Variants in RGSL1 observed in about 807,000 individuals in gnomAD.
RGSL1 encodes the protein regulator of G protein signaling protein-like.
A neutral mutation model predicts 124.7 loss-of-function variants in RGSL1; 97 were observed. The ratio of observed to expected loss-of-function variants is 0.78; its 90% CI spans 0.66 to 0.92. The LOEUF is 0.92. Ranked by LOEUF, RGSL1 falls within the 40% of genes least tolerant of loss-of-function variation. The pLI is 0.00. For synonymous variants in RGSL1, 424 were observed against 438.1 expected, an observed-to-expected ratio of 0.97 and a Z score of 0.40; for missense variants, 1,233 against 1,288.4, an observed-to-expected ratio of 0.96 and a Z score of 0.66.
In RGSL1 at chr1:182,540,322, A is replaced by G. The variant is rs1394975539; in HGVS notation, c.2570A>G (p.Asn857Ser). The G allele has an allele frequency of 1.3e-6, 2 of 1,551,446 alleles. No individual in the cohort carries two copies. Among genetic ancestry groups the G allele is most frequent in the African/African-American group, 2.7e-5 (2 of 73,042 alleles). Residue 857 changes from asparagine (N) to serine (S), a missense_variant, in exon 15 of 22, where the codon AAT (asparagine) becomes AGT (serine). Transcript: ENST00000294854. ...STNVRSADQE[N>S]GEITLVKRRI... The stretch of plus-strand genomic sequence containing the variant: ...AATGTCCGGAGTGCAGACCAAGAGA[A>G]TGGAGAAATAACCCTTGTAAAGCGT...
At chr1:182,553,911 A>G (rs985131101) in intron 19 of RGSL1, among the ~76,000 whole-genome samples, 2 of 152,052 alleles carry the variant, frequency 1.3e-5, no homozygotes, top group Non-Finnish European at 2.9e-5. Context: ...TCCCCCTCAC[A>G]CTGAGACCAA....
intron 7 of RGSL1, 147 bp from the exon 8 acceptor site, chr1:182,488,833 T>C (rs1279634468): frequency 3.3e-6 from 2 of 611,208 alleles, no homozygotes; most frequent in South Asian, 2.4e-5. Context: ...GGTTGGCATG[T>C]AAAGGAGCAA....
intron 9 of RGSL1, among the ~76,000 whole-genome samples, chr1:182,505,063 T>C (rs1312063121): frequency 2.0e-5 from 3 of 152,190 alleles, no homozygotes; most frequent in African/African-American, 7.2e-5. Flanking sequence ...CAACTTCATC[T>C]TTTCCCAGCT....
rs569305453 is a variant in RGSL1, at chr1:182,541,073, T to C, written c.2669+652T>C. Among the ~76,000 whole-genome samples, 3 of 152,328 alleles carry C rather than the reference T, an allele frequency of 2.0e-5. No individual in the cohort carries two copies. The South Asian group carries it at 6.2e-4, about 32-fold the overall frequency. On this transcript the variant is annotated intron_variant, in intron 15 of 21. Coordinates refer to ENST00000294854, the MANE Select transcript of RGSL1 (RefSeq NM_001137669.2). ...GTAATCGGGATATCCATCATCTTCCTTATTTTTTCTTTATGCTAGACAGAT... is the reference window on the plus strand; with the variant it reads ...GTAATCGGGATATCCATCATCTTCCCTATTTTTTCTTTATGCTAGACAGAT...
intron 1 of RGSL1, chr1:182,450,487 A>G (rs1271938297): frequency 1.9e-5 from 8 of 429,230 alleles, no homozygotes; most frequent in African/African-American, 1.4e-4. Flanking sequence ...TTATGCAGTG[A>G]TTTCATTTGT....
At chr1:182,483,903 T>C (rs1462415558) in intron 6 of RGSL1, among the ~76,000 whole-genome samples, 1 of 152,010 alleles carries the variant, frequency 6.6e-6, no homozygotes, top group Non-Finnish European at 1.5e-5. Flanking sequence ...TGGTCCAGCT[T>C]TGGGGAAGAA....
chr1:182,530,988 T>C, intron 13 of RGSL1, 78 bp downstream of exon 13: 1 of 1,460,054 alleles, frequency 6.8e-7, no homozygotes, highest in Non-Finnish European at 9.1e-7. Flanking sequence ...TAAATCCCCA[T>C]TTTGCAAAGG....
chr1:182,548,678 C>G, intron 16 of RGSL1, 22 bp from the exon 17 acceptor site: 1 of 1,550,474 alleles, frequency 6.4e-7, no homozygotes, highest in Non-Finnish European at 8.7e-7. Flanking sequence ...CTGCCAGTGA[C>G]AGGCTCCCAC....
chr1:182,528,732 G>A (rs1024454235), intron 11 of RGSL1, among the ~76,000 whole-genome samples: 1 of 152,176 alleles, frequency 6.6e-6, no homozygotes, highest in Non-Finnish European at 1.5e-5. Context: ...CACCCTTGTG[G>A]CTTTACAGGG....
chr1:182,527,704 A>T lies in RGSL1; in HGVS notation c.2057A>T (p.Asn686Ile). 6.4e-7 allele frequency: 1 copy of T among 1,551,302 alleles called. No homozygotes were observed. Among genetic ancestry groups the T allele is most frequent in the Non-Finnish European group, 8.7e-7 (1 of 1,146,736 alleles). Residue 686 changes from asparagine (N) to isoleucine (I), a missense_variant, in exon 11 of 22, where the codon AAT becomes ATT. Transcript: ENST00000294854. ...TAVQKISIETNEKICKSLIEN... is the reference protein window; with the variant it reads ...TAVQKISIETIEKICKSLIEN... ...GTACAGAAGATCAGTATAGAGACCA[A>T]TGAAAAGATTTGCAAGTCTCTCATA...
intron 14 of RGSL1, among the ~76,000 whole-genome samples, chr1:182,534,850 C>A (rs1232076391): frequency 2.6e-5 from 4 of 151,932 alleles, no homozygotes; most frequent in African/African-American, 4.8e-5. Flanking sequence ...AGTTCTAGAT[C>A]TTTTGTTTCT....
Position 182,489,103 on chromosome 1 carries a change from A to G in RGSL1, c.1618A>G (p.Lys540Glu). ...GTTAAGCCAGGCTTTGGCTGACATGAAGGAAATGGACTATAGGCAGTGGCG... is the reference window on the plus strand; with the variant it reads ...GTTAAGCCAGGCTTTGGCTGACATGGAGGAAATGGACTATAGGCAGTGGCG... Reference protein sequence around the residue: ...LELSQALADMKEMDYRQWRKI... With the variant: ...LELSQALADMEEMDYRQWRKI... Residue 540 changes from lysine (K) to glutamate (E), a missense_variant, in exon 8 of 22, where the codon AAG becomes GAG. Transcript: ENST00000294854. 6.4e-6 allele frequency: 10 copies of G among 1,551,666 alleles called. No homozygotes were observed. The highest frequency in any genetic ancestry group is 7.8e-6 in the Non-Finnish European group (9 of 1,146,990).
At chr1:182,544,914 A>G (rs1376318885) in intron 15 of RGSL1, among the ~76,000 whole-genome samples, 1 of 152,016 alleles carries the variant, frequency 6.6e-6, no homozygotes, top group Non-Finnish European at 1.5e-5. Context: ...TGTAGGTAGC[A>G]TGTAGTTGGG....
intron 6 of RGSL1, among the ~76,000 whole-genome samples, chr1:182,486,963 C>T (rs1655144270): frequency 1.3e-5 from 2 of 152,330 alleles, no homozygotes; most frequent in Admixed American, 1.3e-4. Flanking sequence ...GTGTGAGCCA[C>T]CATGCCCGGC....
rs146321650 is a variant in RGSL1 at position 182,530,294 on chromosome 1, C to A, written c.2176C>A (p.Arg726Ser). 1.6e-4 allele frequency: 251 copies of A among 1,551,022 alleles called. 3 individuals are homozygous for A. In the South Asian group the frequency reaches 1.9e-3, roughly 11 times the overall value. Residue 726 changes from arginine (R) to serine (S), a missense_variant, in exon 12 of 22, where the codon CGT becomes AGT. Physicochemically the swap from Arg to Ser is moderately radical, Grantham distance 110. Transcript: ENST00000294854. ...APIIKEIASM[R>S]HVTTSTLLTL... ...TATTATCAAAGAAATCGCTTCCATG[C>A]GTCATGTCACCACAAGCACACTGTT...
chr1:182,555,089 A>T (rs911953271), intron 20 of RGSL1: 1 of 199,182 alleles, frequency 5.0e-6, no homozygotes, highest in African/African-American at 2.3e-5. Context: ...TGATCCAAAT[A>T]GTATACATTG....
chr1:182,502,418 A>C (rs1656464055), intron 9 of RGSL1, among the ~76,000 whole-genome samples: 1 of 152,174 alleles, frequency 6.6e-6, no homozygotes, highest in Non-Finnish European at 1.5e-5. Flanking sequence ...TCTACAAAAA[A>C]TTAAAAAATT....
At chr1:182,559,008 C>T (rs1007635204) in intron 21 of RGSL1, among the ~76,000 whole-genome samples, 91 of 152,202 alleles carry the variant, frequency 6.0e-4, no homozygotes, top group African/African-American at 2.2e-3. Flanking sequence ...CAATCTGGGC[C>T]TCTGATGCGA....
chr1:182,535,427 C>T (rs1390494602), intron 14 of RGSL1, among the ~76,000 whole-genome samples: 1 of 152,150 alleles, frequency 6.6e-6, no homozygotes, highest in African/African-American at 2.4e-5. Flanking sequence ...TTTACAGCTT[C>T]CCTCCTCTGA....
Sources: gnomAD v4.1 joint callset for allele counts (sites outside exome capture counted in the v4.1 genomes callset) on GRCh38, gnomAD v4.1.1 for gene constraint, MANE v1.5 for transcripts, NCBI Gene and HGNC (gene_info 2026-07-23, HGNC 2026-07-21) for gene names.